The following RPS6KC1 variants were observed in gnomAD, a reference collection of about 807,000 sequenced individuals.
The protein encoded by RPS6KC1 is inactive ribosomal protein S6 kinase delta-1.
Under a neutral mutation model 103.8 loss-of-function variants are expected in RPS6KC1, and 54 were observed. The observed-to-expected ratio is 0.52, with a 90% CI of 0.42 to 0.65. The LOEUF (loss-of-function observed/expected upper bound fraction) is 0.65, where lower values mean the gene tolerates loss of function less well. RPS6KC1 is among the 30% of genes least tolerant of loss of function. RPS6KC1 has a pLI of 0.00. For missense variants in RPS6KC1, 1,151 were observed against 1,253.8 expected (o/e 0.92, Z 1.24); for synonymous variants, 439 against 438.7 (o/e 1.00, Z -0.01).
At chr1:213,656,006 C>T in the RPS6KC1 span, among the ~76,000 whole-genome samples, 1 of 152,160 alleles carries the variant, frequency 6.6e-6, no homozygotes, top group East Asian at 1.9e-4. Flanking sequence ...GATACAAATA[C>T]TTCGTTTTTT....
At chr1:213,721,342 T>A in the RPS6KC1 span, among the ~76,000 whole-genome samples, 1 of 152,172 alleles carries the variant, frequency 6.6e-6, no homozygotes, top group African/African-American at 2.4e-5. Context: ...AGGGACCCAG[T>A]GGGAGATGAT....
At chr1:213,495,067 A>C in the RPS6KC1 span, among the ~76,000 whole-genome samples, 1 of 152,228 alleles carries the variant, frequency 6.6e-6, no homozygotes, top group East Asian at 1.9e-4. Context: ...TGGTCTTTGA[A>C]GTATAAAGGT....
the RPS6KC1 span, among the ~76,000 whole-genome samples, chr1:213,358,529 T>C: frequency 1.3e-5 from 2 of 152,354 alleles, no homozygotes; most frequent in Non-Finnish European, 1.5e-5. Flanking sequence ...TCTCTTTTCT[T>C]CTTTATTAGT....
At chr1:213,354,571 A>G in the RPS6KC1 span, among the ~76,000 whole-genome samples, 171 of 152,288 alleles carry the variant, frequency 1.1e-3, 1 homozygote, top group African/African-American at 3.7e-3. Context: ...ATTTCTTATA[A>G]AGGTTGAGAG....
At chr1:213,827,494 A>G in the RPS6KC1 span, among the ~76,000 whole-genome samples, 2 of 152,192 alleles carry the variant, frequency 1.3e-5, no homozygotes, top group Non-Finnish European at 2.9e-5. Context: ...AGGGAAGAAC[A>G]TTAGGCAGCC....
Position 213,178,347 on chromosome 1 carries a change from C to T in RPS6KC1, c.1044+1855C>T, listed in dbSNP as rs1302816273. Among the ~76,000 whole-genome samples, 3 of 151,822 alleles carry T rather than the reference C, an allele frequency of 2.0e-5. No individual in the cohort carries two copies. The East Asian group carries it at 5.8e-4, about 29-fold the overall frequency. ...TTGAGACCAGGAGTTCGAGACCAGC[C>T]TGGGCAACATGGTGAAACCCCGTCT... is the stretch of plus-strand genomic sequence containing the variant. On this transcript the variant is annotated intron_variant, in intron 8 of 14. Transcript: ENST00000366960.
chr1:213,700,834 T>C, the RPS6KC1 span, among the ~76,000 whole-genome samples: 5 of 152,044 alleles, frequency 3.3e-5, no homozygotes. Context: ...ATGGGATTGC[T>C]TTTATATTTC....
the RPS6KC1 span, among the ~76,000 whole-genome samples, chr1:213,422,813 A>C: frequency 6.6e-6 from 1 of 152,238 alleles, no homozygotes; most frequent in Admixed American, 6.5e-5. Flanking sequence ...TTACACCTGC[A>C]AGGATTCAAC....
chr1:213,628,138 G>A, the RPS6KC1 span, among the ~76,000 whole-genome samples: 103 of 152,122 alleles, frequency 6.8e-4, no homozygotes, highest in Admixed American at 9.2e-4. Context: ...GTTCTTCCTG[G>A]TTTAGTCTTG....
At chr1:213,387,382 C>A in the RPS6KC1 span, among the ~76,000 whole-genome samples, 1 of 152,168 alleles carries the variant, frequency 6.6e-6, no homozygotes, top group African/African-American at 2.4e-5. Context: ...AATTTTTAGT[C>A]CCAGATTGAC....
At chr1:213,320,163 TG>T in the RPS6KC1 span, among the ~76,000 whole-genome samples, 197 of 152,310 alleles carry the variant, frequency 1.3e-3, 1 homozygote, top group African/African-American at 4.6e-3. Context: ...TTGAAGAACT[TG>T]GAAAAGCAGA....
chr1:213,384,283 A>ATATATAT, the RPS6KC1 span, among the ~76,000 whole-genome samples: 3 of 145,114 alleles, frequency 2.1e-5, no homozygotes, highest in African/African-American at 8.1e-5. Context: ...CTCAAAAAAA[A>ATATATAT]ATATATATAT....
At chr1:213,684,555 A>G in the RPS6KC1 span, among the ~76,000 whole-genome samples, 1 of 151,970 alleles carries the variant, frequency 6.6e-6, no homozygotes, top group African/African-American at 2.4e-5. Flanking sequence ...CACTACTCCA[A>G]TTTTCCCTTG....
the RPS6KC1 span, among the ~76,000 whole-genome samples, chr1:213,488,971 T>G: frequency 6.6e-6 from 1 of 152,230 alleles, no homozygotes; most frequent in African/African-American, 2.4e-5. Context: ...AAAGAGCAGA[T>G]GGGTTTATGT....
At chr1:213,550,367 G>A in the RPS6KC1 span, among the ~76,000 whole-genome samples, 2 of 152,158 alleles carry the variant, frequency 1.3e-5, no homozygotes, top group Admixed American at 6.5e-5. Flanking sequence ...CCTGTTGGTA[G>A]GGAGTAGTCC....
intron 14 of RPS6KC1, among the ~76,000 whole-genome samples, chr1:213,268,557 TTATTTATA>T (rs1172502642): frequency 1.4e-5 from 2 of 147,798 alleles, no homozygotes; most frequent in East Asian, 1.9e-4. Flanking sequence ...TATATATAAT[TTATTTATA>T]TATTTATATA....
At chr1:213,470,009 G>A in the RPS6KC1 span, among the ~76,000 whole-genome samples, 1 of 152,070 alleles carries the variant, frequency 6.6e-6, no homozygotes, top group Non-Finnish European at 1.5e-5. Flanking sequence ...AGACCTGGGT[G>A]ACAACCTGGG....
the RPS6KC1 span, among the ~76,000 whole-genome samples, chr1:213,528,370 G>GT: frequency 6.6e-6 from 1 of 152,090 alleles, no homozygotes; most frequent in Admixed American, 6.5e-5. Flanking sequence ...CAGCATGGAG[G>GT]TAACCACCCC....
chr1:213,847,286 C>G, the RPS6KC1 span, among the ~76,000 whole-genome samples: 1 of 152,138 alleles, frequency 6.6e-6, no homozygotes, highest in Non-Finnish European at 1.5e-5. Flanking sequence ...GGAAAGGGTC[C>G]TTAATGGACA....
Sources: allele counts gnomAD v4.1 joint callset (sites outside exome capture counted in the v4.1 genomes callset), GRCh38; gene constraint gnomAD v4.1.1; transcripts MANE v1.5; gene names NCBI Gene and HGNC (gene_info 2026-07-23, HGNC 2026-07-21).